FRY: variants seen among roughly 807,000 people sequenced by gnomAD.
The protein encoded by FRY is protein furry homolog.
Under a neutral mutation model 348.4 loss-of-function variants are expected in FRY, and 128 were observed. The observed-to-expected ratio is 0.37, with a 90% CI of 0.32 to 0.43. FRY has a LOEUF of 0.43. Ranked by LOEUF, FRY falls within the 20% of genes least tolerant of loss-of-function variation. FRY has a pLI of 1.00. For synonymous variants in FRY, 1,370 were observed against 1,374.7 expected (o/e 1.00, Z 0.08); for missense variants, 2,736 against 3,695.2 (o/e 0.74, Z 6.73).
chr13:32,257,290 A>T (rs1887391525), intron 51 of FRY, among the ~76,000 whole-genome samples: 1 of 152,210 alleles, frequency 6.6e-6, no homozygotes, highest in African/African-American at 2.4e-5. Context: ...TTGTACTGTC[A>T]TTGGTGAATA....
intron 3 of FRY, 119 bp downstream of exon 3, chr13:32,102,135 G>A: frequency 4.1e-6 from 3 of 723,650 alleles, no homozygotes; most frequent in Non-Finnish European, 5.1e-6. Flanking sequence ...ATGGGTATGT[G>A]GTCTTAAGAA....
rs9567021 is a variant in FRY at position 32,036,357 on chromosome 13, G to A, written c.70+4492G>A. Reference sequence around the variant, plus strand: ...TCCACACCCTCTCTAAGGCCACGGGGTCACTTCTGCTAACGTAGTTTACAG... The same window carrying A: ...TCCACACCCTCTCTAAGGCCACGGGATCACTTCTGCTAACGTAGTTTACAG... On this transcript the variant is annotated intron_variant, in intron 1 of 60. Coordinates refer to ENST00000542859, the MANE Select transcript of FRY (RefSeq NM_023037.3). 3.9e-3 allele frequency among the ~76,000 whole-genome samples: 591 copies of A among 152,260 alleles called. 16 individuals carry two copies. In the East Asian group the frequency reaches 0.05, roughly 13 times the overall value.
At chr13:32,127,787 A>G (rs1434404039) in intron 7 of FRY, among the ~76,000 whole-genome samples, 3 of 152,180 alleles carry the variant, frequency 2.0e-5, no homozygotes, top group Non-Finnish European at 2.9e-5. Flanking sequence ...TCAAAAAAAA[A>G]AGTAAAAGAT....
intron 13 of FRY, 113 bp from the exon 14 acceptor site, chr13:32,149,635 C>A: frequency 1.4e-6 from 1 of 710,160 alleles, no homozygotes. Flanking sequence ...CTGAGCAGTG[C>A]CCCTCCTCTT....
At chr13:32,092,480 G>C (rs1387392556) in intron 2 of FRY, among the ~76,000 whole-genome samples, 2 of 152,186 alleles carry the variant, frequency 1.3e-5, no homozygotes, top group Non-Finnish European at 2.9e-5. Context: ...GAGGGCGATG[G>C]CTTTCCTCGG....
At chr13:32,144,198 G>T (rs1157773327) in intron 11 of FRY, among the ~76,000 whole-genome samples, 1 of 143,982 alleles carries the variant, frequency 6.9e-6, no homozygotes. Context: ...TATATTAACA[G>T]GCAAAAAAAA....
chr13:32,187,298 A>C (rs1409971046), intron 27 of FRY, among the ~76,000 whole-genome samples: 1 of 152,192 alleles, frequency 6.6e-6, no homozygotes, highest in Non-Finnish European at 1.5e-5. Flanking sequence ...GAGTTGTTAT[A>C]ATTATAAAAT....
chr13:32,288,022 A>C (rs1889162110), intron 58 of FRY: 1 of 231,542 alleles, frequency 4.3e-6, no homozygotes, highest in Non-Finnish European at 8.7e-6. Flanking sequence ...AGATTAAGAC[A>C]TGGCAGTTTA....
intron 1 of FRY, among the ~76,000 whole-genome samples, chr13:32,070,113 T>C (rs530825143): frequency 1.3e-5 from 2 of 152,208 alleles, no homozygotes; most frequent in African/African-American, 4.8e-5. Context: ...CAGTCTATCA[T>C]TGATGGACAT....
At chr13:32,287,578 G>C (rs894963571) in intron 58 of FRY, among the ~76,000 whole-genome samples, 1 of 152,124 alleles carries the variant, frequency 6.6e-6, no homozygotes, top group Admixed American at 6.5e-5. Flanking sequence ...TTTGATTTTT[G>C]GTCTCTAAAA....
intron 29 of FRY, among the ~76,000 whole-genome samples, chr13:32,199,770 T>C (rs570438648): frequency 1.3e-5 from 2 of 152,330 alleles, no homozygotes; most frequent in South Asian, 4.1e-4. Context: ...TAGAAAAACT[T>C]TTTCATGTGT....
intron 3 of FRY, among the ~76,000 whole-genome samples, chr13:32,116,629 G>A (rs1878318891): frequency 6.6e-6 from 1 of 151,988 alleles, no homozygotes; most frequent in African/African-American, 2.4e-5. Context: ...GGCATTTTGT[G>A]GAAACTTTTG....
intron 31 of FRY, among the ~76,000 whole-genome samples, chr13:32,205,202 CAAAAAAAAAAA>C (rs35930899): frequency 2.4e-3 from 189 of 77,830 alleles, no homozygotes; most frequent in Middle Eastern, 0.017. Flanking sequence ...GACTCTGTCT[CAAAAAAAAAAA>C]AAAAAAAAAA....
At chr13:32,169,123 C>A (rs564974188) in intron 17 of FRY, among the ~76,000 whole-genome samples, 25 of 152,296 alleles carry the variant, frequency 1.6e-4, no homozygotes, top group African/African-American at 5.8e-4. Flanking sequence ...CTACTGAGTT[C>A]TAAATATCTT....
At chr13:32,108,563 A>G (rs777613023) in intron 3 of FRY, among the ~76,000 whole-genome samples, 4 of 152,220 alleles carry the variant, frequency 2.6e-5, no homozygotes, top group Non-Finnish European at 5.9e-5. Flanking sequence ...TTAACTTGTT[A>G]TTAGTGCAGG....
At chr13:32,207,476 TTGTC>T (rs1318852632) in intron 31 of FRY, among the ~76,000 whole-genome samples, 1 of 152,206 alleles carries the variant, frequency 6.6e-6, no homozygotes, top group Admixed American at 6.5e-5. Flanking sequence ...ACTGCATCAT[TTGTC>T]AGTCTTTGCT....
At chr13:32,184,877 A>C (rs1204045454) in intron 25 of FRY, 99 bp from the exon 26 acceptor site, 2 of 1,128,510 alleles carry the variant, frequency 1.8e-6, no homozygotes, top group Admixed American at 1.7e-5. Flanking sequence ...GAACAACTTT[A>C]GTGTGTGAGT....
chr13:32,050,796 C>T (rs1001620220), intron 1 of FRY, among the ~76,000 whole-genome samples: 6 of 152,204 alleles, frequency 3.9e-5, no homozygotes, highest in Non-Finnish European at 7.3e-5. Flanking sequence ...CATCAGTCAT[C>T]ACATAAGAAA....
chr13:32,258,765 AG>A (rs1322526591), intron 51 of FRY, among the ~76,000 whole-genome samples: 1 of 146,780 alleles, frequency 6.8e-6, no homozygotes, highest in Non-Finnish European at 1.5e-5. Context: ...CCCTTTTAAA[AG>A]TAAAAGGGGG....
Sources: gnomAD v4.1 joint callset for allele counts (sites outside exome capture counted in the v4.1 genomes callset) on GRCh38, gnomAD v4.1.1 for gene constraint, MANE v1.5 for transcripts, NCBI Gene and HGNC (gene_info 2026-07-23, HGNC 2026-07-21) for gene names.